The following SIAE variants were observed in gnomAD, a reference collection of about 807,000 sequenced individuals.
SIAE encodes sialic acid acetylesterase, also known as sialate O-acetylesterase.
In SIAE, 39 loss-of-function variants were observed where a neutral mutation model predicts 52.6. The observed-to-expected ratio is 0.74, with a 90% CI of 0.57 to 0.97. The LOEUF (loss-of-function observed/expected upper bound fraction) is 0.97, where lower values mean the gene tolerates loss of function less well. Among genes scored for constraint, SIAE ranks in the 50% least tolerant of loss-of-function variants. SIAE has a pLI of 0.00. For synonymous variants in SIAE, 233 were observed against 241.4 expected (o/e 0.97, Z 0.32); for missense variants, 592 against 662.1 (o/e 0.89, Z 1.16).
rs746393109 is a variant in SIAE, at chr11:124,639,880, G to C, written c.967-13C>G. On this transcript the variant is annotated splice_polypyrimidine_tract_variant and intron_variant, in intron 7 of 9. Coordinates refer to ENST00000263593, the MANE Select transcript of SIAE (RefSeq NM_170601.5). ...AATCTGAAGATAACTAGAAAGCAGA[G>C]ACATTGCTAATTTTATTGTATCAGA... 8 of 1,613,568 alleles carry C rather than the reference G, an allele frequency of 5.0e-6. No homozygotes were observed. The Admixed American group carries it at 8.3e-5, about 17-fold the overall frequency.
At chr11:124,659,213 G>A (rs1323803303) in intron 3 of SIAE, 1 of 152,156 alleles carries the variant, frequency 6.6e-6, no homozygotes, top group Admixed American at 6.5e-5. Flanking sequence ...TTGAGAAAGC[G>A]ACTATATAGA....
chr11:124,671,365 A>C (rs1397745461), intron 1 of SIAE, among the ~76,000 whole-genome samples: 1 of 151,474 alleles, frequency 6.6e-6, no homozygotes, highest in East Asian at 1.9e-4. Flanking sequence ...ATAACGATGA[A>C]AAAATAATAA....
intron 7 of SIAE, among the ~76,000 whole-genome samples, chr11:124,642,088 C>T (rs1043026673): frequency 3.3e-5 from 5 of 150,876 alleles, no homozygotes; most frequent in South Asian, 2.1e-4. Flanking sequence ...AGTAGTAGAA[C>T]GGGATGATGA....
chr11:124,664,511 G>C (rs1450362495), intron 2 of SIAE, among the ~76,000 whole-genome samples: 1 of 152,082 alleles, frequency 6.6e-6, no homozygotes, highest in Non-Finnish European at 1.5e-5. Context: ...TGGGATTATA[G>C]GCATGAGCTA....
chr11:124,646,823 C>T (rs139263749), intron 7 of SIAE, among the ~76,000 whole-genome samples: 144 of 152,228 alleles, frequency 9.5e-4, no homozygotes, highest in African/African-American at 3.0e-3. Context: ...TTAAAACAAC[C>T]GAAATGCCCA....
In SIAE at chr11:124,648,079, T is replaced by G. The variant is rs1312237482; in HGVS notation, c.819A>C (p.Val273=). The part of the protein sequence containing the change: ...HPLCNMTLKG[V]VWYQGESNIN... ...CTGAACACTTACCCTGGTACCATAC[T>G]ACCCCTTTCAGAGTCATATTGCACA... Residue 273 remains valine (V), a synonymous_variant, in exon 6 of 10, where the codon GTA becomes GTC. Coordinates refer to ENST00000263593, the MANE Select transcript of SIAE (RefSeq NM_170601.5). 1.9e-6 allele frequency: 3 copies of G among 1,612,900 alleles called. No individual in the cohort carries two copies. Among genetic ancestry groups the G allele is most frequent in the Non-Finnish European group, 1.7e-6 (2 of 1,178,868 alleles).
intron 4 of SIAE, 42 bp from the exon 5 acceptor site, chr11:124,649,838 T>A (rs750457543): frequency 2.3e-5 from 37 of 1,607,720 alleles, no homozygotes; most frequent in Non-Finnish European, 3.0e-5. Flanking sequence ...CAGAGAAAGG[T>A]TGATGGATAC....
chr11:124,643,051 A>ATG (rs1942873994), intron 7 of SIAE, among the ~76,000 whole-genome samples: 1 of 152,188 alleles, frequency 6.6e-6, no homozygotes, highest in Admixed American at 6.5e-5. Flanking sequence ...ATGCACGCCC[A>ATG]GACTTCTCAC....
intron 2 of SIAE, among the ~76,000 whole-genome samples, chr11:124,668,460 T>G (rs2094257062): frequency 6.6e-6 from 1 of 152,226 alleles, no homozygotes; most frequent in African/African-American, 2.4e-5. Flanking sequence ...TAGCACAGTA[T>G]CGGGCACATA....
intron 7 of SIAE, among the ~76,000 whole-genome samples, chr11:124,644,082 A>G (rs1455141286): frequency 6.6e-6 from 1 of 152,170 alleles, no homozygotes; most frequent in Non-Finnish European, 1.5e-5. Context: ...TAATAACAGA[A>G]AGGAGCCTTG....
chr11:124,651,284 A>G (rs983953567), intron 4 of SIAE, among the ~76,000 whole-genome samples: 4 of 152,200 alleles, frequency 2.6e-5, no homozygotes, highest in Non-Finnish European at 4.4e-5. Flanking sequence ...ATGGTGGCTC[A>G]TGCCTGTAAT....
rs1263159808 is a variant in SIAE, at chr11:124,670,677, G to C, written c.68-1156C>G. 6.6e-6 allele frequency among the ~76,000 whole-genome samples: 1 copy of C among 152,194 alleles called. No homozygotes were observed. The highest frequency in any genetic ancestry group is 1.5e-5 in the Non-Finnish European group (1 of 68,038). On this transcript the variant is annotated intron_variant, in intron 1 of 9. Coordinates refer to ENST00000263593, the MANE Select transcript of SIAE (RefSeq NM_170601.5). This position sits in a 1 kb window ranked among gnomAD's most constrained non-coding sequence, Gnocchi z 4.5. ...ACTTAACAGGGCAGCACAGCTAATG[G>C]AGTCGCCTACACAGCTCCGTGGCCT...
intron 7 of SIAE, among the ~76,000 whole-genome samples, chr11:124,643,793 C>T (rs748735647): frequency 1.3e-5 from 2 of 152,172 alleles, no homozygotes; most frequent in African/African-American, 2.4e-5. Context: ...CTCTCTTTTA[C>T]AAACCATGAT....
At chr11:124,642,219 A>G (rs953109606) in intron 7 of SIAE, among the ~76,000 whole-genome samples, 1 of 152,204 alleles carries the variant, frequency 6.6e-6, no homozygotes, top group Non-Finnish European at 1.5e-5. Context: ...TCAGGCATCC[A>G]AGTAGCACCA....
intron 2 of SIAE, among the ~76,000 whole-genome samples, chr11:124,668,583 T>C (rs76438486): frequency 6.6e-6 from 1 of 152,210 alleles, no homozygotes; most frequent in Non-Finnish European, 1.5e-5. Context: ...TACAAGTCTT[T>C]ACCAGTGTTA....
At chr11:124,648,786 A>G (rs1054951216) in intron 5 of SIAE, among the ~76,000 whole-genome samples, 7 of 151,818 alleles carry the variant, frequency 4.6e-5, no homozygotes, top group Non-Finnish European at 7.4e-5. Flanking sequence ...TATCCCTTCC[A>G]CCCCCAGAGA....
At chr11:124,667,589 A>C (rs952632071) in intron 2 of SIAE, among the ~76,000 whole-genome samples, 1 of 152,138 alleles carries the variant, frequency 6.6e-6, no homozygotes, top group African/African-American at 2.4e-5. Flanking sequence ...GGCCAGTACA[A>C]TTCCCACAAG....
intron 5 of SIAE, 63 bp downstream of exon 5, chr11:124,649,556 T>C: frequency 6.4e-7 from 1 of 1,570,958 alleles, no homozygotes; most frequent in East Asian, 2.2e-5. Context: ...CAGAGGACGA[T>C]GACCCTCTCT....
intron 8 of SIAE, among the ~76,000 whole-genome samples, chr11:124,639,044 AC>A (rs1257313257): frequency 6.6e-6 from 1 of 152,162 alleles, no homozygotes; most frequent in African/African-American, 2.4e-5. Flanking sequence ...AAGAGAGCTA[AC>A]TCATAAGATT....
Sources: allele counts gnomAD v4.1 joint callset (sites outside exome capture counted in the v4.1 genomes callset), GRCh38; gene constraint gnomAD v4.1.1; non-coding constraint Gnocchi (gnomAD v3.1); transcripts MANE v1.5; gene names NCBI Gene and HGNC (gene_info 2026-07-23, HGNC 2026-07-21).